Variants in TMIGD3 observed in about 807,000 individuals in gnomAD.
TMIGD3 encodes the protein AD026 protein (AD026).
Under a neutral mutation model 28.1 loss-of-function variants are expected in TMIGD3, and 21 were observed. The observed-to-expected ratio is 0.75, with a 90% confidence interval of 0.53 to 1.08. TMIGD3 has a LOEUF of 1.08. TMIGD3 is among the 50% of genes least tolerant of loss of function. The probability of loss-of-function intolerance (pLI) is 0.00; values close to 1 mark genes in which losing one functional copy is unlikely to be tolerated. For synonymous variants in TMIGD3, 151 were observed against 162.1 expected, an observed-to-expected ratio of 0.93 and a Z score of 0.52; for missense variants, 416 against 435.6, an observed-to-expected ratio of 0.96 and a Z score of 0.40.
intron 1 of TMIGD3, among the ~76,000 whole-genome samples, chr1:111,520,885 C>T (rs1656034544): frequency 6.6e-6 from 1 of 152,148 alleles, no homozygotes; most frequent in Non-Finnish European, 1.5e-5. Context: ...ATTTAAAGTG[C>T]ACGCTTTGAC....
rs372383734 is a variant in TMIGD3, at chr1:111,488,909, A to G, written c.573T>C (p.Tyr191=). 21 of 1,614,098 alleles carry G rather than the reference A, an allele frequency of 1.3e-5. No homozygotes were observed. The highest frequency in any genetic ancestry group is 5.0e-5 in the Admixed American group (3 of 60,006). ...CGATGATGTTGCAGTAGTCACGGAA[A>G]TAGCCTCGGCACCAGTATTTGGGGT... The part of the protein sequence containing the change: ...KNHPKYWCRG[Y]FRDYCNIIAF... The change falls in exon 3 of 6, where the codon TAT becomes TAC. Residue 191 remains tyrosine (Y), a synonymous_variant. Transcript: ENST00000369716.
chr1:111,512,132 C>T (rs905360103), intron 1 of TMIGD3, among the ~76,000 whole-genome samples: 5 of 152,254 alleles, frequency 3.3e-5, no homozygotes, highest in Admixed American at 6.5e-5. Context: ...ACACAGCTGA[C>T]CCTTCCTTCT....
At chr1:111,561,983 T>C (rs1183697596) in intron 1 of TMIGD3, among the ~76,000 whole-genome samples, 1 of 152,094 alleles carries the variant, frequency 6.6e-6, no homozygotes, top group Admixed American at 6.5e-5. Context: ...TTTAAATTTC[T>C]GCTTACGATA....
At chr1:111,519,000 G>A (rs146774542) in intron 1 of TMIGD3, among the ~76,000 whole-genome samples, 3,974 of 152,176 alleles carry the variant, frequency 0.026, 149 homozygotes, top group East Asian at 0.19. Context: ...GTGCAGTGCC[G>A]TGATCTTGAC....
intron 3 of TMIGD3, among the ~76,000 whole-genome samples, chr1:111,488,256 T>A (rs971308956): frequency 6.6e-6 from 1 of 151,728 alleles, no homozygotes; most frequent in Admixed American, 6.6e-5. Context: ...TGAGTCTCAC[T>A]CTATCGCCCA....
chr1:111,558,304 A>C (rs1370429640), intron 1 of TMIGD3, among the ~76,000 whole-genome samples: 3 of 151,724 alleles, frequency 2.0e-5, no homozygotes, highest in Non-Finnish European at 4.4e-5. Context: ...CAGTTCCCTG[A>C]GTAGCGAGGA....
upstream of TMIGD3, among the ~76,000 whole-genome samples, chr1:111,504,318 A>G (rs1376510653): frequency 6.6e-6 from 1 of 152,236 alleles, no homozygotes; most frequent in Non-Finnish European, 1.5e-5. Flanking sequence ...ATGACCAGAC[A>G]TACAGAAAGA....
intron 1 of TMIGD3, among the ~76,000 whole-genome samples, chr1:111,554,586 G>A (rs991182839): frequency 6.6e-6 from 1 of 152,172 alleles, no homozygotes; most frequent in Non-Finnish European, 1.5e-5. Flanking sequence ...GGATTGCAAA[G>A]GATCATATGC....
rs773815175 is a variant in TMIGD3 at position 111,488,942 on chromosome 1, G to A, written c.540C>T (p.Tyr180=). 14 of 1,614,178 alleles carry A rather than the reference G, an allele frequency of 8.7e-6. 1 individual carries two copies. In the South Asian group the frequency reaches 1.4e-4, roughly 16 times the overall value. ...GGCACCAGTATTTGGGGTGATTCTTGTAGTGGGCATTGTAGTTGCAGATGG... is the reference window on the plus strand; with the variant it reads ...GGCACCAGTATTTGGGGTGATTCTTATAGTGGGCATTGTAGTTGCAGATGG... ...ASAICNYNAH[Y]KNHPKYWCRG... is the part of the protein sequence containing the mutation. The change falls in exon 3 of 6, where the codon TAC becomes TAT. Residue 180 remains tyrosine (Y), a synonymous_variant. Coordinates refer to ENST00000369716, the MANE Select transcript of TMIGD3 (RefSeq NM_020683.7).
chr1:111,527,528 G>A (rs1656309373), intron 1 of TMIGD3, among the ~76,000 whole-genome samples: 1 of 152,108 alleles, frequency 6.6e-6, no homozygotes, highest in Non-Finnish European at 1.5e-5. Flanking sequence ...AATACCCCTA[G>A]GAACATGATT....
At chr1:111,551,043 T>G (rs954905428) in intron 1 of TMIGD3, among the ~76,000 whole-genome samples, 1 of 152,226 alleles carries the variant, frequency 6.6e-6, no homozygotes, top group Non-Finnish European at 1.5e-5. Flanking sequence ...GGTTTTAGGA[T>G]AGCCACTTCA....
chr1:111,498,394 G>A (rs982613244), intron 1 of TMIGD3, among the ~76,000 whole-genome samples: 23 of 152,214 alleles, frequency 1.5e-4, no homozygotes, highest in Non-Finnish European at 1.5e-4. Flanking sequence ...CTCAGAAGAT[G>A]TGACTGGCAC....
chr1:111,489,605 G>A, intron 2 of TMIGD3: 1 of 1,130,064 alleles, frequency 8.8e-7, no homozygotes, highest in East Asian at 9.7e-5. Flanking sequence ...CTAAGGGTGG[G>A]TGAAATATGG....
intron 1 of TMIGD3, among the ~76,000 whole-genome samples, chr1:111,562,785 C>T (rs1657791476): frequency 6.6e-6 from 1 of 152,216 alleles, no homozygotes; most frequent in Non-Finnish European, 1.5e-5. Flanking sequence ...GGCTGGAAGA[C>T]TAAAACCAAG....
At chr1:111,509,779 T>C (rs1170437207) in intron 1 of TMIGD3, among the ~76,000 whole-genome samples, 1 of 152,278 alleles carries the variant, frequency 6.6e-6, no homozygotes, top group Non-Finnish European at 1.5e-5. Context: ...CCAATTCACA[T>C]GTGCCAGGCA....
chr1:111,540,499 G>C (rs1455252371), intron 1 of TMIGD3, among the ~76,000 whole-genome samples: 1 of 152,208 alleles, frequency 6.6e-6, no homozygotes, highest in African/African-American at 2.4e-5. Context: ...CATCATCAAA[G>C]TTAGAGGTAA....
rs76934313 is a variant in TMIGD3, at chr1:111,503,010, G to A, written c.345C>T (p.Thr115=). ...CACCCCACGCCGCAGGCTACCTGAC[G>A]GTAAGCTTGACCCGCAAGTATCGGT... ...AVDRYLRVKL[T]VRFRIPGLPG... The change falls in exon 1 of 6, where the codon ACC becomes ACT. Residue 115 remains threonine (T), a synonymous_variant. Coordinates refer to ENST00000369716, the MANE Select transcript of TMIGD3 (RefSeq NM_020683.7). 17,666 of 1,613,580 alleles carry A rather than the reference G, an allele frequency of 0.011. 215 individuals carry two copies. The highest frequency in any genetic ancestry group is 0.059 in the Admixed American group (3,564 of 60,006).
At chr1:111,561,404 GA>G (rs1657730566) in intron 1 of TMIGD3, among the ~76,000 whole-genome samples, 1 of 152,226 alleles carries the variant, frequency 6.6e-6, no homozygotes, top group Non-Finnish European at 1.5e-5. Flanking sequence ...TTACAGGCGT[GA>G]GCCACCGTGC....
upstream of TMIGD3, among the ~76,000 whole-genome samples, chr1:111,507,520 A>G (rs1240043628): frequency 6.6e-6 from 1 of 152,146 alleles, no homozygotes; most frequent in African/African-American, 2.4e-5. Context: ...GATTCATCTG[A>G]TCCTTTGCAG....
Sources: gnomAD v4.1 joint callset for allele counts (sites outside exome capture counted in the v4.1 genomes callset) on GRCh38, gnomAD v4.1.1 for gene constraint, MANE v1.5 for transcripts, NCBI Gene and HGNC (gene_info 2026-07-23, HGNC 2026-07-21) for gene names.